The following DHX57 variants were observed in gnomAD, a reference collection of about 807,000 sequenced individuals.
DHX57 encodes the protein putative ATP-dependent RNA helicase DHX57.
DHX57 carries 105 observed loss-of-function variants against 156.2 expected under a neutral mutation model. The ratio of observed to expected loss-of-function variants is 0.67; its 90% CI spans 0.57 to 0.79. The LOEUF is 0.79. Ranked by LOEUF, DHX57 falls within the 30% of genes least tolerant of loss-of-function variation. The pLI is 0.00. For missense variants in DHX57, 1,847 were observed against 1,661.9 expected (o/e 1.11, Z -1.94); for synonymous variants, 704 against 595.6 (o/e 1.18, Z -2.65).
rs779881855 is a variant in DHX57 at position 38,823,125 on chromosome 2, G to C, written c.3159C>G (p.Thr1053=). The C allele has an allele frequency of 1.9e-6, 3 of 1,614,078 alleles. No individual in the cohort carries two copies. In the African/African-American group the frequency reaches 4.0e-5, roughly 22 times the overall value. Residue 1053 remains threonine, a synonymous_variant, in exon 17 of 24, where the codon ACC becomes ACG. Transcript: ENST00000457308. ...LGALTPDERL[T]PLGYHLASLP... ...GAGAGGCCAAATGATACCCAAGAGG[G>C]GTCAATCTTTCATCTGGAGTTAATG...
intron 21 of DHX57, chr2:38,811,356 G>C (rs1670237455): frequency 3.8e-6 from 2 of 532,044 alleles, no homozygotes. Context: ...CCCTCCCACT[G>C]AGCAATTTCC....
In DHX57 at chr2:38,875,216, A is replaced by T. The variant is rs563884307; in HGVS notation, c.-7+571T>A. ...GTGGTTAGATTCCACTATCTATTCC[A>T]TCTAGCCCGGGAAGACTCCAACTAT... On this transcript the variant is annotated intron_variant, in intron 1 of 23. Coordinates refer to ENST00000457308, the MANE Select transcript of DHX57 (RefSeq NM_198963.3). Among the ~76,000 whole-genome samples, 8 of 152,346 alleles carry T rather than the reference A, an allele frequency of 5.3e-5. No homozygotes were observed. The South Asian group carries it at 1.7e-3, about 32-fold the overall frequency.
chr2:38,858,515 T>G, intron 6 of DHX57, 146 bp downstream of exon 6: 1 of 1,090,484 alleles, frequency 9.2e-7, no homozygotes, highest in Non-Finnish European at 1.3e-6. Context: ...GCACTTAAGT[T>G]TGCTGTGGCC....
At chr2:38,870,588 A>G (rs1024120806) in intron 1 of DHX57, among the ~76,000 whole-genome samples, 1 of 152,194 alleles carries the variant, frequency 6.6e-6, no homozygotes, top group East Asian at 1.9e-4. Context: ...ATACTCAAAG[A>G]AAAAAATAGG....
chr2:38,803,771 G>A (rs528078863), intron 22 of DHX57, among the ~76,000 whole-genome samples: 11 of 139,214 alleles, frequency 7.9e-5, no homozygotes, highest in African/African-American at 2.6e-4. Context: ...TTACAGGTGT[G>A]AGTCACCACA....
chr2:38,819,794 A>G (rs542755531), intron 17 of DHX57, among the ~76,000 whole-genome samples: 1 of 152,288 alleles, frequency 6.6e-6, no homozygotes, highest in South Asian at 2.1e-4. Flanking sequence ...TCTACGTTTG[A>G]GTCTCCCTTG....
intron 7 of DHX57, 161 bp from the exon 8 acceptor site, chr2:38,855,413 T>C (rs966340740): frequency 4.0e-6 from 3 of 748,670 alleles, no homozygotes; most frequent in East Asian, 5.4e-5. Flanking sequence ...TACCAAGAGG[T>C]GGGAAATTCT....
chr2:38,843,159 T>G lies in DHX57; in HGVS notation c.2271A>C (p.Ser757=). The stretch of plus-strand genomic sequence containing the variant: ...TCCGCCTTGCTTTAAGCTTTTCCTT[T>G]GAAATCTGTTTCATGGACCGCATAT... The part of the protein sequence containing the change: ...SPYMRSMKQI[S]KEKLKARRNR... Residue 757 remains serine, a synonymous_variant, in exon 12 of 24, where the codon TCA becomes TCC. Coordinates refer to ENST00000457308, the MANE Select transcript of DHX57 (RefSeq NM_198963.3). 4 of 1,614,226 alleles carry G rather than the reference T, an allele frequency of 2.5e-6. No individual in the cohort carries two copies. The highest frequency in any genetic ancestry group is 3.4e-6 in the Non-Finnish European group (4 of 1,180,040).
intron 13 of DHX57, among the ~76,000 whole-genome samples, chr2:38,833,117 G>A (rs1015349821): frequency 1.3e-5 from 2 of 151,262 alleles, no homozygotes; most frequent in Non-Finnish European, 2.9e-5. Context: ...ATTTCAGACA[G>A]TGTTAAGTGC....
At chr2:38,830,161 T>C (rs927892474) in intron 13 of DHX57, among the ~76,000 whole-genome samples, 2 of 152,210 alleles carry the variant, frequency 1.3e-5, no homozygotes, top group Admixed American at 6.5e-5. Context: ...TCATGACCTA[T>C]TATTCAGTCA....
chr2:38,819,175 A>G (rs772419748), intron 17 of DHX57, 31 bp from the exon 18 acceptor site: 6 of 1,604,960 alleles, frequency 3.7e-6, no homozygotes, highest in Non-Finnish European at 4.3e-6. Flanking sequence ...AGATTTAAAG[A>G]ACACTTTTTT....
chr2:38,855,515 C>A (rs1162369183), intron 7 of DHX57, among the ~76,000 whole-genome samples: 1 of 152,104 alleles, frequency 6.6e-6, no homozygotes, highest in Admixed American at 6.5e-5. Flanking sequence ...AAATTAAGGT[C>A]TGTAAATGCT....
rs187965976 is a variant in DHX57 at position 38,820,831 on chromosome 2, G to A, written c.3292-1687C>T. 6.5e-4 allele frequency among the ~76,000 whole-genome samples: 97 copies of A among 149,318 alleles called. 1 individual carries two copies. The East Asian group carries it at 0.013, about 19-fold the overall frequency. ...GCCATGATAAAAATAAAGGCAGATTGCTTATCATGAAAGGACCAGTAAAAA... is the reference window on the plus strand; with the variant it reads ...GCCATGATAAAAATAAAGGCAGATTACTTATCATGAAAGGACCAGTAAAAA... On this transcript the variant is annotated intron_variant, in intron 17 of 23. Transcript: ENST00000457308.
In DHX57 at chr2:38,855,118, T is replaced by C; in HGVS notation, c.1844A>G (p.Lys615Arg). Residue 615 changes from lysine (K) to arginine (R), a missense_variant, in exon 8 of 24, where the codon AAA (lysine) becomes AGA (arginine). Lys to Arg is a conservative substitution (Grantham distance 26, BLOSUM62 2). Coordinates refer to ENST00000457308, the MANE Select transcript of DHX57 (RefSeq NM_198963.3). ...CAGACCCACCCTCTCTGCTCTTTCTTTAGCAACGCGTTCAGCAACAGAGAT... is the reference window on the plus strand; with the variant it reads ...CAGACCCACCCTCTCTGCTCTTTCTCTAGCAACGCGTTCAGCAACAGAGAT... ...SAISVAERVA[K>R]ERAERVGLTV... 6.2e-7 allele frequency: 1 copy of C among 1,614,066 alleles called. No homozygotes were observed. The highest frequency in any genetic ancestry group is 8.5e-7 in the Non-Finnish European group (1 of 1,180,010).
intron 1 of DHX57, among the ~76,000 whole-genome samples, chr2:38,874,054 T>G (rs2124958851): frequency 6.6e-6 from 1 of 152,242 alleles, no homozygotes; most frequent in South Asian, 2.1e-4. Flanking sequence ...CCTCTGTATG[T>G]GGGTTTTGCA....
At chr2:38,798,943 C>T (rs866220931) in intron 23 of DHX57, among the ~76,000 whole-genome samples, 28 of 151,748 alleles carry the variant, frequency 1.8e-4, no homozygotes, top group African/African-American at 4.6e-4. Flanking sequence ...ACTCTGTCCC[C>T]CCTGCTCCCC....
chr2:38,860,872 C>G, intron 5 of DHX57, 127 bp downstream of exon 5: 1 of 788,584 alleles, frequency 1.3e-6, no homozygotes, highest in South Asian at 1.9e-5. Context: ...CCCTTTTGCC[C>G]TTGGGACTTA....
chr2:38,817,343 C>G (rs1184583386), intron 19 of DHX57, among the ~76,000 whole-genome samples: 1 of 152,112 alleles, frequency 6.6e-6, no homozygotes, highest in Non-Finnish European at 1.5e-5. Flanking sequence ...GAGACAAAGT[C>G]TCCCTCTGTT....
intron 16 of DHX57, among the ~76,000 whole-genome samples, chr2:38,824,702 C>T (rs1217882999): frequency 1.3e-5 from 2 of 152,120 alleles, no homozygotes; most frequent in Non-Finnish European, 2.9e-5. Context: ...GGCTGGAGTG[C>T]AATGGTATGA....
Sources: gnomAD v4.1 joint callset for allele counts (sites outside exome capture counted in the v4.1 genomes callset) on GRCh38, gnomAD v4.1.1 for gene constraint, MANE v1.5 for transcripts, NCBI Gene and HGNC (gene_info 2026-07-23, HGNC 2026-07-21) for gene names.